Variants in ELAPOR2 observed in about 807,000 individuals in gnomAD.
ELAPOR2 encodes endosome/lysosome-associated apoptosis and autophagy regulator family member 2.
In ELAPOR2, 89 loss-of-function variants were observed where a neutral mutation model predicts 120.7. The observed-to-expected ratio is 0.74, with a 90% confidence interval of 0.62 to 0.88. The LOEUF (loss-of-function observed/expected upper bound fraction) is 0.88, where lower values mean the gene tolerates loss of function less well. Ranked by LOEUF, ELAPOR2 falls within the 40% of genes least tolerant of loss-of-function variation. ELAPOR2 has a pLI of 0.00. For synonymous variants in ELAPOR2, 444 were observed against 444.9 expected (o/e 1.00, Z 0.03); for missense variants, 1,134 against 1,251.6 (o/e 0.91, Z 1.42).
At chr7:86,939,046 TG>T in intron 6 of ELAPOR2, 86 bp from the exon 7 acceptor site, 14 of 1,462,702 alleles carry the variant, frequency 9.6e-6, no homozygotes, top group African/African-American at 1.4e-5. Context: ...TACCCAGAAG[TG>T]AGGGAGATAT....
chr7:86,881,577 C>T (rs953695449), intron 21 of ELAPOR2, among the ~76,000 whole-genome samples: 1 of 151,980 alleles, frequency 6.6e-6, no homozygotes, highest in Non-Finnish European at 1.5e-5. Context: ...AGGCTGGTCT[C>T]GAACTCCTGT....
intron 2 of ELAPOR2, 113 bp downstream of exon 2, chr7:86,964,791 C>A (rs1791843703): frequency 5.5e-6 from 6 of 1,097,282 alleles, no homozygotes; most frequent in Non-Finnish European, 2.6e-6. Context: ...TTATCAATGC[C>A]ATATGCTCAT....
At chr7:87,043,911 G>A (rs1214241059) in intron 1 of ELAPOR2, among the ~76,000 whole-genome samples, 1 of 151,894 alleles carries the variant, frequency 6.6e-6, no homozygotes, top group Admixed American at 6.6e-5. Flanking sequence ...CTTCAGCGAA[G>A]TCTCAGGATA....
At chr7:87,035,247 G>T (rs1461205840) in intron 1 of ELAPOR2, among the ~76,000 whole-genome samples, 2 of 152,184 alleles carry the variant, frequency 1.3e-5, no homozygotes, top group Non-Finnish European at 2.9e-5. Flanking sequence ...CAGTAAATTA[G>T]AACTCATGGC....
intron 1 of ELAPOR2, among the ~76,000 whole-genome samples, chr7:87,027,155 A>G (rs1304033564): frequency 2.0e-5 from 3 of 152,154 alleles, no homozygotes; most frequent in African/African-American, 7.2e-5. Flanking sequence ...GGTTTTTCCC[A>G]GAGAAGGCAC....
intron 8 of ELAPOR2, among the ~76,000 whole-genome samples, chr7:86,935,541 A>C (rs1416394820): frequency 1.3e-5 from 2 of 151,918 alleles, no homozygotes; most frequent in Non-Finnish European, 1.5e-5. Context: ...TAGAGTCTAG[A>C]CCAGTGGTTC....
rs751615936 is a variant in ELAPOR2 at position 86,919,276 on chromosome 7, C to T, written c.1434G>A (p.Gly478=). 6.2e-7 allele frequency: 1 copy of T among 1,611,606 alleles called. No homozygotes were observed. Among genetic ancestry groups the T allele is most frequent in the Non-Finnish European group, 8.5e-7 (1 of 1,178,554 alleles). The part of the protein sequence containing the change: ...WEVAGDHIQS[G]AGGSDNDYLI... ...GGTAATCATTGTCAGAACCTCCAGC[C>T]CCACTCTGGATATGATCTCCAGCCA... Residue 478 remains glycine, a synonymous_variant, in exon 11 of 22, where the codon GGG becomes GGA. Transcript: ENST00000450689.
intron 1 of ELAPOR2, among the ~76,000 whole-genome samples, chr7:86,994,293 A>C (rs1232163949): frequency 6.6e-6 from 1 of 152,232 alleles, no homozygotes; most frequent in Non-Finnish European, 1.5e-5. Flanking sequence ...AGAGTTGACA[A>C]AGATAAGCTT....
At chr7:86,983,975 T>C (rs1429116321) in intron 1 of ELAPOR2, among the ~76,000 whole-genome samples, 1 of 151,904 alleles carries the variant, frequency 6.6e-6, no homozygotes, top group Non-Finnish European at 1.5e-5. Context: ...AGGCTCAAAA[T>C]AAAGGGATGG....
intron 10 of ELAPOR2, among the ~76,000 whole-genome samples, chr7:86,925,199 T>G (rs2116220107): frequency 6.6e-6 from 1 of 152,156 alleles, no homozygotes; most frequent in East Asian, 1.9e-4. Context: ...CCCATCATGC[T>G]ACTCTTTAAA....
intron 1 of ELAPOR2, among the ~76,000 whole-genome samples, chr7:87,027,995 AACAAG>A (rs1397052361): frequency 6.7e-6 from 1 of 149,562 alleles, no homozygotes; most frequent in East Asian, 1.9e-4. Context: ...GAGACTCTTA[AACAAG>A]ACATCATAAT....
chr7:86,956,030 G>A (rs1174290592), intron 2 of ELAPOR2, among the ~76,000 whole-genome samples: 5 of 151,956 alleles, frequency 3.3e-5, no homozygotes, highest in Admixed American at 2.0e-4. Flanking sequence ...AAAGAACTCT[G>A]CCTTAAAAGT....
chr7:87,023,170 T>A (rs1304442781), intron 1 of ELAPOR2, among the ~76,000 whole-genome samples: 1 of 152,178 alleles, frequency 6.6e-6, no homozygotes, highest in Non-Finnish European at 1.5e-5. Flanking sequence ...ATTGCCTAGG[T>A]TTTCTTCTAG....
At position 87,050,378 on chromosome 7, in the gene ELAPOR2, G is replaced by A. The variant is rs531695278; in HGVS notation, c.189+8947C>T. Among the ~76,000 whole-genome samples, 38 of 152,202 alleles carry A rather than the reference G, an allele frequency of 2.5e-4. 1 individual carries two copies. Among genetic ancestry groups the A allele is most frequent in the Admixed American group, 1.5e-3 (23 of 15,296 alleles). On this transcript the variant is annotated intron_variant, in intron 1 of 21. Coordinates refer to ENST00000450689, the MANE Select transcript of ELAPOR2 (RefSeq NM_001142749.3). ...TGCAATAGTGAGTTCTCAGGAGATC[G>A]AGATCTGGTCATCTAAAAATATGTG...
Position 87,015,942 on chromosome 7 carries a change from G to A in ELAPOR2, c.189+43383C>T, listed in dbSNP as rs1013680291. 1.2e-4 allele frequency among the ~76,000 whole-genome samples: 19 copies of A among 152,092 alleles called. 1 individual carries two copies. The highest frequency in any genetic ancestry group is 1.1e-3 in the Admixed American group (17 of 15,266). ...GGCCAGTTTCTTAATTAAAGCACTG[G>A]AAGTAATGCAGCAGTTTCCTTTCCA... On this transcript the variant is annotated intron_variant, in intron 1 of 21. Transcript: ENST00000450689.
chr7:87,045,337 A>C (rs955251844), intron 1 of ELAPOR2, among the ~76,000 whole-genome samples: 28 of 149,586 alleles, frequency 1.9e-4, no homozygotes, highest in African/African-American at 6.8e-4. Context: ...TATTGACAAT[A>C]GCAAAGACTT....
In ELAPOR2 at chr7:86,913,146, A is replaced by G. The variant is rs1789400247; in HGVS notation, c.1790T>C (p.Val597Ala). The G allele has an allele frequency of 6.2e-7, 1 of 1,613,918 alleles. No homozygotes were observed. Among genetic ancestry groups the G allele is most frequent in the South Asian group, 1.1e-5 (1 of 91,072 alleles). ...KIYSITATNA[V>A]DGVASSCRAC... ...ACGGCATGAGGACGCCACCCCATCA[A>G]CTGCATTAGTGGCTGTGATAGAATA... Residue 597 changes from valine to alanine, a missense_variant, in exon 14 of 22, where the codon GTT (valine) becomes GCT (alanine). Physicochemically the swap from Val to Ala is moderately conservative, Grantham distance 64 (BLOSUM62 0). Transcript: ENST00000450689.
At chr7:86,925,798 A>G (rs1790039822) in intron 9 of ELAPOR2, 142 bp from the exon 10 acceptor site, 1 of 731,646 alleles carries the variant, frequency 1.4e-6, no homozygotes, top group Non-Finnish European at 2.3e-6. Context: ...TTCCCTCAGG[A>G]TGTACTAACT....
intron 3 of ELAPOR2, among the ~76,000 whole-genome samples, chr7:86,946,870 G>A (rs1791031076): frequency 6.6e-6 from 1 of 152,104 alleles, no homozygotes; most frequent in Admixed American, 6.5e-5. Flanking sequence ...TTCCTCTAAG[G>A]AACTCTTTTA....
Sources: allele counts gnomAD v4.1 joint callset (sites outside exome capture counted in the v4.1 genomes callset), GRCh38; gene constraint gnomAD v4.1.1; transcripts MANE v1.5; gene names NCBI Gene and HGNC (gene_info 2026-07-23, HGNC 2026-07-21).